Variants in TMEFF2 observed in about 807,000 individuals in gnomAD.
The protein encoded by TMEFF2 is tomoregulin-2.
TMEFF2 carries 28 observed loss-of-function variants against 53.8 expected under a neutral mutation model. The observed-to-expected ratio is 0.52, with a 90% CI of 0.39 to 0.71. The LOEUF (loss-of-function observed/expected upper bound fraction) is 0.71, where lower values mean the gene tolerates loss of function less well. TMEFF2 is among the 30% of genes least tolerant of loss of function. The probability of loss-of-function intolerance (pLI) is 0.00; values close to 1 mark genes in which losing one functional copy is unlikely to be tolerated. For missense variants in TMEFF2, 353 were observed against 455.2 expected (o/e 0.78, Z 2.04); for synonymous variants, 162 against 166.3 (o/e 0.97, Z 0.20).
At chr2:192,162,170 C>T (rs1690649984) in intron 4 of TMEFF2, among the ~76,000 whole-genome samples, 1 of 152,102 alleles carries the variant, frequency 6.6e-6, no homozygotes, top group South Asian at 2.1e-4. Context: ...ACTTAGGAGA[C>T]ACTTACCAGA....
At chr2:192,175,599 A>G (rs923940768) in intron 4 of TMEFF2, among the ~76,000 whole-genome samples, 7 of 151,556 alleles carry the variant, frequency 4.6e-5, no homozygotes, top group Non-Finnish European at 1.5e-5. Flanking sequence ...TTAAAGAATT[A>G]TCTTAAAATT....
chr2:192,094,399 G>A (rs1027810646), intron 4 of TMEFF2, among the ~76,000 whole-genome samples: 2 of 151,790 alleles, frequency 1.3e-5, no homozygotes, highest in South Asian at 2.1e-4. Flanking sequence ...TGACCCAAAC[G>A]CATTTCAAGT....
At chr2:192,025,615 G>C (rs181161233) in intron 5 of TMEFF2, among the ~76,000 whole-genome samples, 1 of 151,996 alleles carries the variant, frequency 6.6e-6, no homozygotes, top group East Asian at 1.9e-4. Flanking sequence ...TATGGGAAGA[G>C]ATCTGTAGAT....
chr2:192,010,288 A>G (rs1426785015), intron 5 of TMEFF2, among the ~76,000 whole-genome samples: 2 of 152,134 alleles, frequency 1.3e-5, no homozygotes, highest in Admixed American at 1.3e-4. Context: ...TTGCTCCGAG[A>G]GAGGACTGTG....
intron 5 of TMEFF2, among the ~76,000 whole-genome samples, chr2:192,056,098 ATCTTG>A (rs1379912176): frequency 1.2e-4 from 18 of 152,160 alleles, no homozygotes; most frequent in Admixed American, 6.6e-4. Flanking sequence ...CTGCCACATA[ATCTTG>A]TCTTAATTTT....
At chr2:191,975,265 C>CTTTT (rs57057771) in intron 7 of TMEFF2, among the ~76,000 whole-genome samples, 1 of 88,366 alleles carries the variant, frequency 1.1e-5, no homozygotes, top group Non-Finnish European at 2.6e-5. Flanking sequence ...TCTTTTTCTT[C>CTTTT]TTTTTTTTTT....
intron 4 of TMEFF2, among the ~76,000 whole-genome samples, chr2:192,110,909 C>T (rs970057876): frequency 6.6e-5 from 10 of 152,250 alleles, no homozygotes; most frequent in Middle Eastern, 6.8e-3. Flanking sequence ...CTCATGAGAT[C>T]TGATGGTTTT....
chr2:192,161,179 A>AT (rs925223746), intron 4 of TMEFF2, among the ~76,000 whole-genome samples: 2 of 151,782 alleles, frequency 1.3e-5, no homozygotes, highest in African/African-American at 4.8e-5. Context: ...ATTTATTTTT[A>AT]TTTTTTTGAG....
chr2:191,997,329 TC>T (rs1559077454), intron 7 of TMEFF2, among the ~76,000 whole-genome samples: 88 of 151,974 alleles, frequency 5.8e-4, no homozygotes, highest in Non-Finnish European at 7.2e-4. Flanking sequence ...CTAAGAGATT[TC>T]AGATCTCTAT....
chr2:192,079,184 C>A (rs1688498328), intron 4 of TMEFF2, among the ~76,000 whole-genome samples: 1 of 152,152 alleles, frequency 6.6e-6, no homozygotes, highest in African/African-American at 2.4e-5. Flanking sequence ...AGGGTCAGCC[C>A]ATTTTTGCCC....
chr2:192,092,095 A>AAT (rs1345429533), intron 4 of TMEFF2, among the ~76,000 whole-genome samples: 1 of 152,154 alleles, frequency 6.6e-6, no homozygotes, highest in Admixed American at 6.6e-5. Flanking sequence ...CAGTAACAAA[A>AAT]ATAATATTTC....
intron 4 of TMEFF2, among the ~76,000 whole-genome samples, chr2:192,174,235 A>G (rs1036952826): frequency 6.6e-6 from 1 of 151,796 alleles, no homozygotes; most frequent in Non-Finnish European, 1.5e-5. Flanking sequence ...TGTAGCATCT[A>G]TTTCACATTC....
At chr2:192,085,573 A>G (rs1295482493) in intron 4 of TMEFF2, among the ~76,000 whole-genome samples, 1 of 152,122 alleles carries the variant, frequency 6.6e-6, no homozygotes, top group African/African-American at 2.4e-5. Context: ...TGCAAACCTC[A>G]AAACAGTGTG....
chr2:192,183,950 G>C (rs1465945681), intron 3 of TMEFF2, among the ~76,000 whole-genome samples: 3 of 152,080 alleles, frequency 2.0e-5, no homozygotes, highest in Non-Finnish European at 4.4e-5. Flanking sequence ...AAACCTGCAA[G>C]ATTGCCTTCC....
chr2:192,107,889 A>C (rs1689187064), intron 4 of TMEFF2, among the ~76,000 whole-genome samples: 1 of 151,774 alleles, frequency 6.6e-6, no homozygotes, highest in Admixed American at 6.6e-5. Context: ...TTCATCCTCT[A>C]TCTGCCTTAC....
At chr2:191,983,229 G>A (rs939584490) in intron 7 of TMEFF2, among the ~76,000 whole-genome samples, 3 of 152,164 alleles carry the variant, frequency 2.0e-5, no homozygotes, top group African/African-American at 4.8e-5. Context: ...CCTAAAAATA[G>A]TGGAAGGATG....
chr2:192,101,311 T>C (rs1185573967), intron 4 of TMEFF2, among the ~76,000 whole-genome samples: 1 of 152,124 alleles, frequency 6.6e-6, no homozygotes, highest in Non-Finnish European at 1.5e-5. Flanking sequence ...TATTACCAAA[T>C]TGAAGTCATG....
chr2:192,104,999 G>A (rs1689113573), intron 4 of TMEFF2, among the ~76,000 whole-genome samples: 1 of 151,856 alleles, frequency 6.6e-6, no homozygotes, highest in Admixed American at 6.6e-5. Context: ...TATGAATGTC[G>A]GGAAGAGATT....
chr2:192,169,511 C>A (rs910184892), intron 4 of TMEFF2, among the ~76,000 whole-genome samples: 6 of 151,992 alleles, frequency 3.9e-5, no homozygotes, highest in African/African-American at 1.4e-4. Flanking sequence ...TAATTTTTAT[C>A]CTAAGGATGA....
Sources: allele counts gnomAD v4.1 joint callset (sites outside exome capture counted in the v4.1 genomes callset), GRCh38; gene constraint gnomAD v4.1.1; transcripts MANE v1.5; gene names NCBI Gene and HGNC (gene_info 2026-07-23, HGNC 2026-07-21).